The following NCAM2 variants were observed in gnomAD, a reference collection of about 807,000 sequenced individuals.
NCAM2 encodes the protein N-CAM-2.
In NCAM2, 30 loss-of-function variants were observed where a neutral mutation model predicts 98.1. That is an observed-to-expected ratio of 0.31 (90% confidence interval 0.23 to 0.41). The LOEUF (loss-of-function observed/expected upper bound fraction) is 0.41. Among genes scored for constraint, NCAM2 ranks in the 10% least tolerant of loss-of-function variants. NCAM2 has a pLI of 1.00. For synonymous variants in NCAM2, 368 were observed against 342.4 expected, an observed-to-expected ratio of 1.07 and a Z score of -0.83; for missense variants, 867 against 1,005.8, an observed-to-expected ratio of 0.86 and a Z score of 1.87.
chr21:21,173,222 A>T (rs531268388), intron 1 of NCAM2, among the ~76,000 whole-genome samples: 4 of 152,316 alleles, frequency 2.6e-5, no homozygotes, highest in East Asian at 1.9e-4. Context: ...AGGGAATTAT[A>T]TGTAGTTAGT....
intron 1 of NCAM2, among the ~76,000 whole-genome samples, chr21:21,119,771 T>C (rs1297216134): frequency 6.6e-6 from 1 of 152,202 alleles, no homozygotes; most frequent in Non-Finnish European, 1.5e-5. Context: ...TTCTAAACTT[T>C]TAGGAAAAAT....
chr21:21,366,838 T>C (rs2075798112), intron 8 of NCAM2, among the ~76,000 whole-genome samples: 1 of 152,086 alleles, frequency 6.6e-6, no homozygotes, highest in Non-Finnish European at 1.5e-5. Flanking sequence ...TATCACACTT[T>C]ATCTGTTTTC....
chr21:21,314,122 C>G (rs1331728017), intron 5 of NCAM2, among the ~76,000 whole-genome samples: 1 of 151,950 alleles, frequency 6.6e-6, no homozygotes, highest in African/African-American at 2.4e-5. Context: ...TTGTAACTCA[C>G]GTTTTATTTC....
At chr21:21,131,386 G>C (rs1655107972) in intron 1 of NCAM2, among the ~76,000 whole-genome samples, 1 of 152,002 alleles carries the variant, frequency 6.6e-6, no homozygotes. Flanking sequence ...GGAGTCTCCT[G>C]TCTCAGCCTC....
chr21:21,451,685 C>G (rs892223737), intron 12 of NCAM2, among the ~76,000 whole-genome samples: 1 of 152,088 alleles, frequency 6.6e-6, no homozygotes, highest in Non-Finnish European at 1.5e-5. Context: ...AGGGAATCCC[C>G]CTTGGTGACA....
chr21:21,442,891 G>A (rs1350662495), intron 12 of NCAM2, among the ~76,000 whole-genome samples: 1 of 152,068 alleles, frequency 6.6e-6, no homozygotes, highest in East Asian at 1.9e-4. Context: ...AAGGGGAGAT[G>A]TACCTCAAAA....
intron 15 of NCAM2, among the ~76,000 whole-genome samples, chr21:21,485,027 T>G (rs2146290007): frequency 6.7e-6 from 1 of 148,658 alleles, no homozygotes; most frequent in East Asian, 1.9e-4. Flanking sequence ...CTGTTACTTT[T>G]AAGTATAAGT....
chr21:21,426,993 A>T (rs1298597371), intron 11 of NCAM2, among the ~76,000 whole-genome samples: 1 of 152,218 alleles, frequency 6.6e-6, no homozygotes, highest in Non-Finnish European at 1.5e-5. Flanking sequence ...ACTTCCTTTT[A>T]AAAGAGAGTT....
chr21:21,048,884 G>C (rs1468200153), intron 1 of NCAM2, among the ~76,000 whole-genome samples: 1 of 151,964 alleles, frequency 6.6e-6, no homozygotes, highest in African/African-American at 2.4e-5. Context: ...TCTTTGTTGG[G>C]TTTAATTCTC....
chr21:21,482,192 A>G (rs906891979), intron 15 of NCAM2, among the ~76,000 whole-genome samples: 1 of 152,148 alleles, frequency 6.6e-6, no homozygotes, highest in African/African-American at 2.4e-5. Flanking sequence ...ACAAACCATA[A>G]ATTAAGAATT....
intron 8 of NCAM2, among the ~76,000 whole-genome samples, chr21:21,345,231 ACT>A (rs2075155150): frequency 6.6e-6 from 1 of 152,154 alleles, no homozygotes; most frequent in South Asian, 2.1e-4. Context: ...AAGAACATCT[ACT>A]AGCATTAACA....
chr21:21,209,060 T>G (rs1175290264), intron 1 of NCAM2, among the ~76,000 whole-genome samples: 1 of 152,154 alleles, frequency 6.6e-6, no homozygotes. Context: ...TATATTGATT[T>G]TTTACTTTAA....
intron 5 of NCAM2, among the ~76,000 whole-genome samples, chr21:21,316,570 C>G (rs1463913964): frequency 8.4e-6 from 1 of 119,252 alleles, no homozygotes; most frequent in East Asian, 2.6e-4. Flanking sequence ...GAGTCTCACT[C>G]TGTTGCCCAT....
intron 16 of NCAM2, among the ~76,000 whole-genome samples, chr21:21,510,881 C>G (rs1988332377): frequency 6.6e-6 from 1 of 151,944 alleles, no homozygotes. Context: ...ACGCTCAAAT[C>G]AAGAAAAAGA....
At chr21:21,331,278 A>G (rs1258773172) in intron 6 of NCAM2, among the ~76,000 whole-genome samples, 2 of 151,398 alleles carry the variant, frequency 1.3e-5, no homozygotes, top group African/African-American at 2.4e-5. Flanking sequence ...CTGGGACTAT[A>G]GACATGCGCC....
intron 12 of NCAM2, among the ~76,000 whole-genome samples, chr21:21,433,786 A>AAAATAAAATAAAATAAAAT (rs2077402477): frequency 2.1e-5 from 3 of 145,080 alleles, no homozygotes; most frequent in African/African-American, 7.6e-5. Flanking sequence ...AAAATAAAAT[A>AAAATAAAATAAAATAAAAT]AAATAAAATA....
intron 14 of NCAM2, among the ~76,000 whole-genome samples, chr21:21,473,164 T>C (rs1480094828): frequency 6.6e-6 from 1 of 151,284 alleles, no homozygotes; most frequent in Non-Finnish European, 1.5e-5. Context: ...CTTTTGTGCC[T>C]CTACCCAGGA....
intron 1 of NCAM2, among the ~76,000 whole-genome samples, chr21:21,183,449 T>A (rs912071613): frequency 2.0e-5 from 3 of 152,108 alleles, no homozygotes; most frequent in African/African-American, 7.2e-5. Context: ...CAGTAGTAAG[T>A]AAGAGATGCC....
chr21:21,011,219 A>G (rs2064204148), intron 1 of NCAM2, among the ~76,000 whole-genome samples: 1 of 151,806 alleles, frequency 6.6e-6, no homozygotes, highest in South Asian at 2.1e-4. Flanking sequence ...AGGACATCTG[A>G]ACTATTATTT....
Sources: allele counts gnomAD v4.1 joint callset (sites outside exome capture counted in the v4.1 genomes callset), GRCh38; gene constraint gnomAD v4.1.1; transcripts MANE v1.5; gene names NCBI Gene and HGNC (gene_info 2026-07-23, HGNC 2026-07-21).